CUL1: variants seen among roughly 807,000 people sequenced by gnomAD.
CUL1 encodes cullin 1.
In CUL1, 24 loss-of-function variants were observed where a neutral mutation model predicts 118.0. That is an observed-to-expected ratio of 0.20 (90% CI 0.15 to 0.29). The LOEUF is 0.29. CUL1 is among the 10% of genes least tolerant of loss of function. CUL1 has a pLI of 1.00. For synonymous variants in CUL1, 332 were observed against 340.4 expected (o/e 0.98, Z 0.27); for missense variants, 361 against 933.8 (o/e 0.39, Z 7.99).
Position 148,760,354 on chromosome 7 carries a change from A to G in CUL1, c.647A>G (p.Asp216Gly). ...QSYVELGLNE[D>G]DAFAKGPTLT... is the part of the protein sequence containing the mutation. Reference sequence around the variant, plus strand: ...CTAGTGGAATTGGGGCTGAATGAAGATGATGCATTTGCAAAGGGCCCTACG... The same window carrying G: ...CTAGTGGAATTGGGGCTGAATGAAGGTGATGCATTTGCAAAGGGCCCTACG... Residue 216 changes from aspartate to glycine, a missense_variant, in exon 7 of 22, where the codon GAT (aspartate) becomes GGT (glycine). Around this residue, in one of 7 missense-constraint regions of CUL1, gnomAD observed 169 missense variants for 429.7 expected, o/e 0.39. Transcript: ENST00000325222. 6.2e-7 allele frequency: 1 copy of G among 1,603,876 alleles called. No individual in the cohort carries two copies.
intron 1 of CUL1, among the ~76,000 whole-genome samples, chr7:148,708,264 C>T (rs1797948200): frequency 6.6e-6 from 1 of 152,190 alleles, no homozygotes; most frequent in African/African-American, 2.4e-5. Context: ...GCCTTTCTTC[C>T]AACTTGGCTT....
chr7:148,800,359 A>G lies in CUL1; in HGVS notation c.2251-143A>G, dbSNP rs73158249. 16,310 of 638,972 alleles carry G rather than the reference A, an allele frequency of 0.026. 281 individuals are homozygous for G. Among genetic ancestry groups the G allele is most frequent in the Non-Finnish European group, 0.034 (12,243 of 364,014 alleles). The allele number at this position is 638,972 out of a possible 1,614,324, so 39.6% of individuals were successfully genotyped here. ...TGCCAGGAAGTAAAACTCTATGCTA[A>G]CAGATCTGGGGCGGGGACACTGCTC... On this transcript the variant is annotated intron_variant, in intron 21 of 21. Transcript: ENST00000325222. The surrounding 1 kb of genome is among the most constrained non-coding windows in gnomAD (Gnocchi z 4.6).
intron 9 of CUL1, among the ~76,000 whole-genome samples, chr7:148,771,310 C>T (rs1225774039): frequency 6.6e-6 from 1 of 152,202 alleles, no homozygotes; most frequent in Non-Finnish European, 1.5e-5. Context: ...TCCAGTTTAT[C>T]ATGTAAGTCA....
chr7:148,701,304 C>G (rs1442012740), intron 1 of CUL1, among the ~76,000 whole-genome samples: 1 of 152,176 alleles, frequency 6.6e-6, no homozygotes, highest in Admixed American at 6.5e-5. Context: ...GATCGTCTCT[C>G]TCATCCCTCC....
chr7:148,796,607 G>A (rs755545691), intron 17 of CUL1, among the ~76,000 whole-genome samples: 7 of 152,206 alleles, frequency 4.6e-5, no homozygotes, highest in Admixed American at 2.6e-4. Flanking sequence ...CCCCTAGACT[G>A]TGGGGAGGGC....
At chr7:148,757,395 C>G (rs1333437809) in intron 4 of CUL1, among the ~76,000 whole-genome samples, 1 of 152,130 alleles carries the variant, frequency 6.6e-6, no homozygotes, top group Non-Finnish European at 1.5e-5. Context: ...AAAATTTCTT[C>G]TTTAATTACC....
chr7:148,714,657 C>T (rs1798155174), intron 1 of CUL1, among the ~76,000 whole-genome samples: 1 of 152,146 alleles, frequency 6.6e-6, no homozygotes, highest in South Asian at 2.1e-4. Context: ...GGTATTTTCT[C>T]ATTGCCATCT....
At chr7:148,733,321 A>T (rs969291776) in intron 2 of CUL1, among the ~76,000 whole-genome samples, 1 of 152,252 alleles carries the variant, frequency 6.6e-6, no homozygotes, top group Non-Finnish European at 1.5e-5. Flanking sequence ...GTTGAAAATC[A>T]TAAAATATAA....
chr7:148,757,717 A>G (rs141174934), intron 4 of CUL1, among the ~76,000 whole-genome samples: 115 of 152,282 alleles, frequency 7.6e-4, no homozygotes, highest in African/African-American at 2.6e-3. Context: ...AGACTGGGTA[A>G]TTTATAAAGC....
Position 148,786,437 on chromosome 7 carries a change from G to A in CUL1, c.1299-114G>A. 3.7e-6 allele frequency: 3 copies of A among 800,452 alleles called. No individual in the cohort carries two copies. In the South Asian group the frequency reaches 4.9e-5, roughly 13 times the overall value. The allele number at this position is 800,452 out of a possible 1,614,324, so 49.6% of individuals were successfully genotyped here. A position where few individuals can be genotyped will look rare whatever the true frequency, so the allele number is the denominator to read the frequency against. ...GAAAGTCAACCTTCCCTCTTCCTCT[G>A]CACTAATCTGATGAGAACTGATCTT... On this transcript the variant is annotated intron_variant, in intron 11 of 21. Transcript: ENST00000325222.
chr7:148,732,161 G>A (rs190240415), intron 2 of CUL1, among the ~76,000 whole-genome samples: 1 of 152,208 alleles, frequency 6.6e-6, no homozygotes, highest in Admixed American at 6.5e-5. Flanking sequence ...CTTAATTCTT[G>A]TAGGAAAGCT....
At chr7:148,719,172 G>A (rs573105255) in intron 1 of CUL1, among the ~76,000 whole-genome samples, 4 of 152,192 alleles carry the variant, frequency 2.6e-5, no homozygotes, top group East Asian at 1.9e-4. Flanking sequence ...TTAGCCAGGC[G>A]CGGTGGCGGG....
At chr7:148,766,430 T>G in intron 7 of CUL1, 131 bp from the exon 8 acceptor site, 3 of 778,950 alleles carry the variant, frequency 3.9e-6, no homozygotes, top group Non-Finnish European at 5.9e-6. Flanking sequence ...ATTTTCTTAA[T>G]CGCATTTTAT....
chr7:148,741,920 G>A (rs1799154362), intron 2 of CUL1, among the ~76,000 whole-genome samples: 1 of 152,216 alleles, frequency 6.6e-6, no homozygotes, highest in African/African-American at 2.4e-5. Flanking sequence ...ATCCTAGTGG[G>A]AATGAAGTAG....
At chr7:148,728,518 C>A (rs1017612694) in intron 1 of CUL1, among the ~76,000 whole-genome samples, 3 of 152,140 alleles carry the variant, frequency 2.0e-5, no homozygotes, top group East Asian at 3.9e-4. Flanking sequence ...TAACCCTCCC[C>A]AAGTAGATGA....
At chr7:148,726,995 G>C (rs958171935) in intron 1 of CUL1, among the ~76,000 whole-genome samples, 2 of 152,104 alleles carry the variant, frequency 1.3e-5, no homozygotes, top group African/African-American at 4.8e-5. Context: ...CTGGGCAACA[G>C]AGTGATACCC....
chr7:148,698,329 CCCT>C (rs1232221863), upstream of CUL1: 1 of 152,480 alleles, frequency 6.6e-6, no homozygotes, highest in East Asian at 1.9e-4. Flanking sequence ...GACTGGGACC[CCCT>C]CTTCTTCGGG....
At chr7:148,716,669 A>C (rs1181569023) in intron 1 of CUL1, among the ~76,000 whole-genome samples, 1 of 152,176 alleles carries the variant, frequency 6.6e-6, no homozygotes, top group Non-Finnish European at 1.5e-5. Context: ...GTTAGTATTT[A>C]CTCCCATCAC....
intron 2 of CUL1, among the ~76,000 whole-genome samples, chr7:148,738,705 T>C (rs970615340): frequency 6.6e-6 from 1 of 152,248 alleles, no homozygotes; most frequent in African/African-American, 2.4e-5. Context: ...ATGAAACTTC[T>C]ATTTTATTGC....
Sources: gnomAD v4.1 joint callset for allele counts (sites outside exome capture counted in the v4.1 genomes callset) on GRCh38, gnomAD v4.1.1 for gene constraint, gnomAD v4.1.1 regional missense constraint, Gnocchi (gnomAD v3.1) non-coding constraint, MANE v1.5 for transcripts, NCBI Gene and HGNC (gene_info 2026-07-23, HGNC 2026-07-21) for gene names.